The following RBFOX1 variants were observed in gnomAD, a reference collection of about 807,000 sequenced individuals.
RBFOX1 encodes RNA binding fox-1 homolog 1.
A neutral mutation model predicts 57.7 loss-of-function variants in RBFOX1; 8 were observed. The observed-to-expected ratio is 0.14, with a 90% CI of 0.08 to 0.25. The LOEUF (loss-of-function observed/expected upper bound fraction) is 0.25, where lower values mean the gene tolerates loss of function less well. Among genes scored for constraint, RBFOX1 ranks in the 10% least tolerant of loss-of-function variants. RBFOX1 has a pLI of 1.00. For missense variants in RBFOX1, 611 were observed against 548.5 expected (o/e 1.11, Z -1.14); for synonymous variants, 326 against 222.4 (o/e 1.47, Z -4.15).
chr16:6,197,605 G>A (rs1274816074), intron 1 of RBFOX1, among the ~76,000 whole-genome samples: 1 of 151,220 alleles, frequency 6.6e-6, no homozygotes, highest in African/African-American at 2.4e-5. Context: ...AGAGGACCAG[G>A]ATCACCTGTT....
intron 3 of RBFOX1, among the ~76,000 whole-genome samples, chr16:6,948,597 G>A (rs2080054268): frequency 6.6e-6 from 1 of 151,692 alleles, no homozygotes; most frequent in African/African-American, 2.4e-5. Context: ...GGCCAGACTG[G>A]TCTTGAACTG....
intron 1 of RBFOX1, among the ~76,000 whole-genome samples, chr16:6,190,110 T>C (rs948272559): frequency 1.3e-5 from 2 of 152,208 alleles, no homozygotes; most frequent in African/African-American, 4.8e-5. Flanking sequence ...TGGAATACTA[T>C]TTTGATTAGT....
chr16:7,373,316 T>C (rs1488506694), intron 4 of RBFOX1, among the ~76,000 whole-genome samples: 24 of 152,120 alleles, frequency 1.6e-4, no homozygotes, highest in Admixed American at 1.6e-3. Flanking sequence ...ATTTAGAACA[T>C]AAAGATCACA....
intron 2 of RBFOX1, among the ~76,000 whole-genome samples, chr16:6,548,151 C>G (rs2096921426): frequency 6.6e-6 from 1 of 152,184 alleles, no homozygotes; most frequent in African/African-American, 2.4e-5. Context: ...AAATGTGTCA[C>G]TTTACTGACA....
intron 2 of RBFOX1, among the ~76,000 whole-genome samples, chr16:6,537,078 G>A (rs553188442): frequency 6.6e-6 from 1 of 152,256 alleles, no homozygotes; most frequent in Admixed American, 6.5e-5. Context: ...TAGGAAACAT[G>A]CTCTAATGAA....
At chr16:6,668,712 C>A (rs1568132663) in intron 3 of RBFOX1, among the ~76,000 whole-genome samples, 1 of 152,054 alleles carries the variant, frequency 6.6e-6, no homozygotes, top group Non-Finnish European at 1.5e-5. Flanking sequence ...TATTTGTCAT[C>A]TCTTTGAAAT....
At chr16:6,818,352 C>A (rs1403909813) in intron 3 of RBFOX1, among the ~76,000 whole-genome samples, 2 of 152,034 alleles carry the variant, frequency 1.3e-5, no homozygotes, top group African/African-American at 4.8e-5. Flanking sequence ...GAGCTCACCT[C>A]ACCCATCCCA....
intron 4 of RBFOX1, among the ~76,000 whole-genome samples, chr16:5,980,250 C>G (rs555982091): frequency 1.3e-5 from 2 of 152,374 alleles, no homozygotes; most frequent in African/African-American, 4.8e-5. Flanking sequence ...TGATTGCCAT[C>G]TCCAAATCGA....
At chr16:7,035,134 C>T (rs1201406156) in intron 3 of RBFOX1, among the ~76,000 whole-genome samples, 3 of 151,790 alleles carry the variant, frequency 2.0e-5, no homozygotes, top group African/African-American at 4.8e-5. Context: ...AGGTGTGAGC[C>T]GCTGCACCGG....
chr16:5,982,389 C>A (rs2060191634), intron 4 of RBFOX1, among the ~76,000 whole-genome samples: 1 of 152,100 alleles, frequency 6.6e-6, no homozygotes, highest in East Asian at 1.9e-4. Flanking sequence ...TTTTCCCTTC[C>A]TCAGCCTCCC....
At chr16:6,062,110 A>G (rs890411172) in intron 1 of RBFOX1, among the ~76,000 whole-genome samples, 3 of 152,196 alleles carry the variant, frequency 2.0e-5, no homozygotes, top group African/African-American at 7.2e-5. Flanking sequence ...AACGAGATGC[A>G]TGGGGCTGAG....
At chr16:5,765,630 T>C (rs2053750900) in intron 3 of RBFOX1, among the ~76,000 whole-genome samples, 1 of 152,168 alleles carries the variant, frequency 6.6e-6, no homozygotes, top group Non-Finnish European at 1.5e-5. Flanking sequence ...CTGCAAACAC[T>C]GTAAGAGATA....
chr16:7,224,807 T>C (rs2092988888), intron 4 of RBFOX1, among the ~76,000 whole-genome samples: 1 of 152,168 alleles, frequency 6.6e-6, no homozygotes, highest in Non-Finnish European at 1.5e-5. Context: ...CAGCCTCACT[T>C]GGTAACTGTT....
chr16:6,791,072 A>T (rs1184093987), intron 3 of RBFOX1, among the ~76,000 whole-genome samples: 6 of 151,938 alleles, frequency 3.9e-5, no homozygotes, highest in Non-Finnish European at 7.4e-5. Context: ...ATACCTGACT[A>T]ATTTTTGCAT....
chr16:5,255,302 G>A (rs1257066323), intron 1 of RBFOX1, among the ~76,000 whole-genome samples: 1 of 135,434 alleles, frequency 7.4e-6, no homozygotes, highest in East Asian at 2.5e-4. Flanking sequence ...TCATCTGTCC[G>A]CCTATCCGTC....
rs192912522 is a variant in RBFOX1 at position 6,764,257 on chromosome 16, A to G, written c.-16+109607A>G. ...GGCATGCAAATTGGCTGGACTTGAA[A>G]GCACTGAAGTTCACCTCACTTTGCT... On this transcript the variant is annotated intron_variant, in intron 3 of 15. Coordinates refer to ENST00000550418, the MANE Select transcript of RBFOX1 (RefSeq NM_018723.4). Among the ~76,000 whole-genome samples, 291 of 152,324 alleles carry G rather than the reference A, an allele frequency of 1.9e-3. 2 individuals carry two copies. Among genetic ancestry groups the G allele is most frequent in the African/African-American group, 6.7e-3 (280 of 41,572 alleles).
chr16:6,868,582 C>T (rs1428164016), intron 3 of RBFOX1, among the ~76,000 whole-genome samples: 5 of 152,074 alleles, frequency 3.3e-5, no homozygotes, highest in African/African-American at 9.7e-5. Flanking sequence ...AGCAATTCTC[C>T]TGCTTTAGCG....
intron 2 of RBFOX1, among the ~76,000 whole-genome samples, chr16:5,561,034 G>C (rs139107476): frequency 8.6e-4 from 131 of 152,278 alleles, no homozygotes; most frequent in African/African-American, 3.1e-3. Flanking sequence ...ATTTCCTAAA[G>C]ATTTTATTGC....
At chr16:5,515,593 A>C (rs1459516446) in intron 2 of RBFOX1, among the ~76,000 whole-genome samples, 1 of 152,210 alleles carries the variant, frequency 6.6e-6, no homozygotes, top group Non-Finnish European at 1.5e-5. Flanking sequence ...ATTACTACCT[A>C]ATGGAAAATC....
Sources: allele counts gnomAD v4.1 joint callset (sites outside exome capture counted in the v4.1 genomes callset), GRCh38; gene constraint gnomAD v4.1.1; transcripts MANE v1.5; gene names NCBI Gene and HGNC (gene_info 2026-07-23, HGNC 2026-07-21).